Variants in TENM3 observed in about 807,000 individuals in gnomAD.
TENM3 encodes the protein teneurin-3.
In TENM3, 63 loss-of-function variants were observed where a neutral mutation model predicts 255.1. The observed-to-expected ratio is 0.25, with a 90% CI of 0.20 to 0.30. The LOEUF is 0.30. Ranked by LOEUF, TENM3 falls within the 10% of genes least tolerant of loss-of-function variation. The pLI is 1.00. For synonymous variants in TENM3, 1,306 were observed against 1,322.3 expected (o/e 0.99, Z 0.27); for missense variants, 2,929 against 3,461.1 (o/e 0.85, Z 3.86).
the TENM3 span, among the ~76,000 whole-genome samples, chr4:181,780,162 T>C: frequency 6.6e-6 from 1 of 152,252 alleles, no homozygotes. Context: ...AGTAATGGGA[T>C]GGCTGGGTCA....
chr4:181,620,514 C>A, the TENM3 span, among the ~76,000 whole-genome samples: 1 of 151,944 alleles, frequency 6.6e-6, no homozygotes, highest in Admixed American at 6.6e-5. Flanking sequence ...AGTGGACCCA[C>A]ACAGGTCAGC....
chr4:182,455,912 T>C (rs1346283007), intron 3 of TENM3, among the ~76,000 whole-genome samples: 1 of 152,168 alleles, frequency 6.6e-6, no homozygotes, highest in Admixed American at 6.5e-5. Context: ...CCTTAGCACC[T>C]GATTCTTATT....
At chr4:182,183,660 C>T (rs143406878) in intron 1 of TENM3, among the ~76,000 whole-genome samples, 1 of 152,186 alleles carries the variant, frequency 6.6e-6, no homozygotes, top group African/African-American at 2.4e-5. Context: ...TTCGTTTTTA[C>T]TGCGTCCTCA....
At chr4:182,313,772 G>A (rs142371994) in intron 1 of TENM3, among the ~76,000 whole-genome samples, 3 of 152,214 alleles carry the variant, frequency 2.0e-5, no homozygotes, top group African/African-American at 7.2e-5. Flanking sequence ...AGCTGCTCAA[G>A]CCAGAAAGTT....
At position 182,474,371 on chromosome 4, in the gene TENM3, T is replaced by G. The variant is rs539991536; in HGVS notation, c.512-126553T>G. On this transcript the variant is annotated intron_variant, in intron 3 of 27. Coordinates refer to ENST00000511685, the MANE Select transcript of TENM3 (RefSeq NM_001080477.4). ...ATTCAACCATATTTAAATGTATGAT[T>G]TAGATGAGTGAGTGTAATTCAGCTA... Among the ~76,000 whole-genome samples, 3 of 151,710 alleles carry G rather than the reference T, an allele frequency of 2.0e-5. No individual in the cohort carries two copies. The South Asian group carries it at 6.3e-4, about 32-fold the overall frequency.
intron 3 of TENM3, among the ~76,000 whole-genome samples, chr4:182,553,542 T>TA (rs544241466): frequency 2.1e-4 from 30 of 145,540 alleles, no homozygotes; most frequent in Admixed American, 2.7e-4. Context: ...TAATAAAATT[T>TA]AAAAAAAAAA....
At chr4:181,848,585 A>G in the TENM3 span, among the ~76,000 whole-genome samples, 2 of 152,280 alleles carry the variant, frequency 1.3e-5, no homozygotes, top group South Asian at 2.1e-4. Flanking sequence ...TTACCGTGAC[A>G]GATGTCAATC....
chr4:182,016,705 C>T, the TENM3 span, among the ~76,000 whole-genome samples: 1 of 152,126 alleles, frequency 6.6e-6, no homozygotes, highest in Non-Finnish European at 1.5e-5. Context: ...TAAATAATAG[C>T]ATCATAAACT....
the TENM3 span, among the ~76,000 whole-genome samples, chr4:181,610,106 G>A: frequency 6.6e-6 from 1 of 152,192 alleles, no homozygotes; most frequent in East Asian, 1.9e-4. Context: ...TATGTGAAGT[G>A]AAAAAGAAAA....
chr4:181,784,178 T>A, the TENM3 span, among the ~76,000 whole-genome samples: 1 of 151,774 alleles, frequency 6.6e-6, no homozygotes, highest in African/African-American at 2.4e-5. Flanking sequence ...TTTTAACCGC[T>A]AAGTGAATTG....
At chr4:181,570,681 AG>A in the TENM3 span, among the ~76,000 whole-genome samples, 3 of 150,836 alleles carry the variant, frequency 2.0e-5, no homozygotes, top group African/African-American at 7.4e-5. Context: ...CAAGCAAGCA[AG>A]CAAGCTTCTG....
chr4:182,442,786 A>ATGTGTG (rs750639444), intron 3 of TENM3, among the ~76,000 whole-genome samples: 1 of 148,214 alleles, frequency 6.7e-6, no homozygotes, highest in African/African-American at 2.5e-5. Context: ...GTGTGTACAT[A>ATGTGTG]TGTGTGTGTG....
intron 10 of TENM3, among the ~76,000 whole-genome samples, chr4:182,681,336 G>A (rs1756158932): frequency 6.6e-6 from 1 of 152,208 alleles, no homozygotes; most frequent in African/African-American, 2.4e-5. Context: ...GACCCTACAA[G>A]TGTAAAGTTT....
At chr4:182,543,350 A>G (rs977240321) in intron 3 of TENM3, among the ~76,000 whole-genome samples, 2 of 152,212 alleles carry the variant, frequency 1.3e-5, no homozygotes, top group African/African-American at 2.4e-5. Context: ...GAAAGGTTCT[A>G]TGTCAGGAGG....
At position 182,749,099 on chromosome 4, in the gene TENM3, C is replaced by T. The variant is rs952904051; in HGVS notation, c.3630-2701C>T. 2.7e-5 allele frequency among the ~76,000 whole-genome samples: 4 copies of T among 149,012 alleles called. No individual in the cohort carries two copies. The South Asian group carries it at 6.2e-4, about 23-fold the overall frequency. ...CACGTCCCATAGCTAAAGAGGATGC[C>T]ACCACCACTGAAGCTGCCACCTCAA... On this transcript the variant is annotated intron_variant, in intron 19 of 27. Transcript: ENST00000511685.
the TENM3 span, among the ~76,000 whole-genome samples, chr4:181,556,136 A>G: frequency 6.6e-6 from 1 of 152,200 alleles, no homozygotes; most frequent in Admixed American, 6.5e-5. Flanking sequence ...TGGAATTTGC[A>G]TTGCCAACAA....
At chr4:181,901,192 T>G in the TENM3 span, among the ~76,000 whole-genome samples, 40 of 152,240 alleles carry the variant, frequency 2.6e-4, no homozygotes, top group African/African-American at 7.9e-4. Flanking sequence ...CCAAAAAAAA[T>G]ATATGAGCCT....
chr4:181,462,047 A>C, the TENM3 span, among the ~76,000 whole-genome samples: 1 of 152,070 alleles, frequency 6.6e-6, no homozygotes, highest in Non-Finnish European at 1.5e-5. Flanking sequence ...AATGGATTTG[A>C]CCGATTTGCT....
chr4:182,161,815 GTA>G (rs1188802655), intron 1 of TENM3, among the ~76,000 whole-genome samples: 1 of 30,404 alleles, frequency 3.3e-5, no homozygotes, highest in African/African-American at 1.5e-4. Context: ...ACATATATAT[GTA>G]TATATATACA....
Sources: gnomAD v4.1 joint callset for allele counts (sites outside exome capture counted in the v4.1 genomes callset) on GRCh38, gnomAD v4.1.1 for gene constraint, MANE v1.5 for transcripts, NCBI Gene and HGNC (gene_info 2026-07-23, HGNC 2026-07-21) for gene names.